The following ADIRF variants were observed in gnomAD, a reference collection of about 807,000 sequenced individuals.
ADIRF encodes adipogenesis factor rich in obesity.
ADIRF carries 9 observed loss-of-function variants against 7.8 expected under a neutral mutation model. The ratio of observed to expected loss-of-function variants is 1.15; its 90% CI spans 0.70 to 2.01. The LOEUF is 2.01. Ranked by LOEUF, ADIRF falls within the 30% of genes most tolerant of loss-of-function variation. ADIRF has a pLI of 0.00. For missense variants in ADIRF, 106 were observed against 98.1 expected (o/e 1.08, Z -0.34); for synonymous variants, 48 against 39.9 (o/e 1.20, Z -0.77).
At chr10:86,968,748 C>A in intron 1 of ADIRF, 143 bp downstream of exon 1, 1 of 880,794 alleles carries the variant, frequency 1.1e-6, no homozygotes, top group Admixed American at 3.2e-5. Context: ...ACGCAGGGGG[C>A]AGGCAGAACG....
rs1049241 is a variant in ADIRF at position 86,970,586 on chromosome 10, C to T, written c.*4C>T. Reference sequence around the variant, plus strand: ...AAAATTCGGCCTCCTGAAATGACAGCAGGGAGACTTGGGTCGGCCTCCTGA... The same window carrying T: ...AAAATTCGGCCTCCTGAAATGACAGTAGGGAGACTTGGGTCGGCCTCCTGA... On this transcript the variant is annotated 3_prime_UTR_variant, in exon 3 of 3. Transcript: ENST00000372013. 1 of 1,603,720 alleles carries T rather than the reference C, an allele frequency of 6.2e-7. No individual in the cohort carries two copies. The highest frequency in any genetic ancestry group is 8.5e-7 in the Non-Finnish European group (1 of 1,172,920).
At chr10:86,968,640 G>A (rs1435596798) in intron 1 of ADIRF, 35 bp downstream of exon 1, 1 of 1,600,254 alleles carries the variant, frequency 6.2e-7, no homozygotes, top group Admixed American at 1.7e-5. Flanking sequence ...CTCAGGCAGG[G>A]GCACCTGCGT....
At position 86,970,567 on chromosome 10, in the gene ADIRF, C is replaced by A. The variant is rs368188117; in HGVS notation, c.216C>A (p.Phe72Leu). Reference protein sequence around the residue: ...SDTFSGIGKKFGLLK With the variant: ...SDTFSGIGKKLGLLK The stretch of plus-strand genomic sequence containing the variant: ...CCTTCTCTGGGATTGGGAAAAAATT[C>A]GGCCTCCTGAAATGACAGCAGGGAG... The change falls in exon 3 of 3, where the codon TTC becomes TTA. Residue 72 changes from phenylalanine (F) to leucine (L), a missense_variant. By Grantham distance (22) the Phe-to-Leu change is conservative. Coordinates refer to ENST00000372013, the MANE Select transcript of ADIRF (RefSeq NM_006829.3). The A allele has an allele frequency of 1.2e-6, 2 of 1,610,194 alleles. No individual in the cohort carries two copies. The highest frequency in any genetic ancestry group is 1.7e-6 in the Non-Finnish European group (2 of 1,177,542).
intron 1 of ADIRF, 72 bp from the exon 2 acceptor site, chr10:86,970,128 C>T (rs1014850222): frequency 1.2e-5 from 16 of 1,349,960 alleles, no homozygotes; most frequent in African/African-American, 1.5e-5. Flanking sequence ...GACACAGAGG[C>T]ATGGCAATGG....
Position 86,970,654 on chromosome 10 carries a change from A to T in ADIRF, c.*72A>T. On this transcript the variant is annotated 3_prime_UTR_variant, in exon 3 of 3. Transcript: ENST00000372013. ...TTGGGTGACCCCCCTTCCAGGCGCC[A>T]TCTAGCACAGCCTGGCCCTGATCTC... 7.8e-7 allele frequency: 1 copy of T among 1,286,892 alleles called. No homozygotes were observed. The highest frequency in any genetic ancestry group is 1.1e-6 in the Non-Finnish European group (1 of 904,466). The allele number at this position is 1,286,892 out of a possible 1,614,324, so 79.7% of individuals were successfully genotyped here. A position where few individuals can be genotyped will look rare whatever the true frequency, so the allele number is the denominator to read the frequency against.
Sources: gnomAD v4.1 joint callset for allele counts on GRCh38, gnomAD v4.1.1 for gene constraint, MANE v1.5 for transcripts, NCBI Gene and HGNC (gene_info 2026-07-23, HGNC 2026-07-21) for gene names.